PTPRQ: variants seen among roughly 807,000 people sequenced by gnomAD.
The protein encoded by PTPRQ is phosphatidylinositol phosphatase PTPRQ.
In PTPRQ, 199 loss-of-function variants were observed where a neutral mutation model predicts 246.0. The observed-to-expected ratio is 0.81, with a 90% CI of 0.72 to 0.91. The LOEUF (loss-of-function observed/expected upper bound fraction) is 0.91. Ranked by LOEUF, PTPRQ falls within the 40% of genes least tolerant of loss-of-function variation. The pLI is 0.00. For missense variants in PTPRQ, 2,624 were observed against 2,528.4 expected (o/e 1.04, Z -0.81); for synonymous variants, 869 against 853.2 (o/e 1.02, Z -0.32).
At chr12:80,620,887 G>A (rs1056722790) in intron 32 of PTPRQ, among the ~76,000 whole-genome samples, 2 of 151,596 alleles carry the variant, frequency 1.3e-5, no homozygotes, top group African/African-American at 4.8e-5. Context: ...GCTTTTTGTA[G>A]CCCCTAAAAA....
At chr12:80,510,254 G>T (rs1895083992) in intron 16 of PTPRQ, 69 bp from the exon 17 acceptor site, 1 of 1,326,562 alleles carries the variant, frequency 7.5e-7, no homozygotes. Context: ...AAAATTGTGT[G>T]CATTTCCATG....
chr12:80,592,960 A>G (rs1409695422), intron 26 of PTPRQ, among the ~76,000 whole-genome samples: 1 of 152,144 alleles, frequency 6.6e-6, no homozygotes, highest in African/African-American at 2.4e-5. Flanking sequence ...GCAATGAGCC[A>G]AGATTGTGCC....
chr12:80,538,113 A>G (rs80345800), intron 19 of PTPRQ, among the ~76,000 whole-genome samples: 3 of 151,638 alleles, frequency 2.0e-5, no homozygotes, highest in Non-Finnish European at 2.9e-5. Context: ...TGTTTTAAAG[A>G]AAAAAAAAGT....
chr12:80,560,990 C>T (rs1896807132), intron 25 of PTPRQ: 1 of 154,408 alleles, frequency 6.5e-6, no homozygotes, highest in Non-Finnish European at 1.5e-5. Flanking sequence ...AAATCTGGTA[C>T]CCAGAAATGG....
At chr12:80,670,137 TTTC>T (rs1565851526) in intron 41 of PTPRQ, among the ~76,000 whole-genome samples, 1 of 152,118 alleles carries the variant, frequency 6.6e-6, no homozygotes, top group Non-Finnish European at 1.5e-5. Flanking sequence ...ATTTCCAAGC[TTTC>T]TTATGTTTTC....
chr12:80,549,768 C>T, intron 25 of PTPRQ, 34 bp downstream of exon 25: 1 of 1,505,322 alleles, frequency 6.6e-7, no homozygotes, highest in Non-Finnish European at 8.9e-7. Context: ...TAACATGAAA[C>T]CTTTAACTAT....
intron 35 of PTPRQ, among the ~76,000 whole-genome samples, chr12:80,643,430 T>C (rs1355514828): frequency 7.0e-6 from 1 of 142,878 alleles, no homozygotes; most frequent in African/African-American, 2.7e-5. Flanking sequence ...AATCGTGAAA[T>C]CCCATCTCAA....
chr12:80,496,361 T>C lies in PTPRQ; in HGVS notation c.2102T>C (p.Val701Ala). ...KPNGIIIAYE[V>A]LYKNIDTLYM... ...AATGGGATCATTATTGCTTATGAAG[T>C]GCTATATAAAAATATAGATACTTTA... Residue 701 changes from valine (V) to alanine (A), a missense_variant, in exon 14 of 45, where the codon GTG becomes GCG. Val to Ala is a moderately conservative substitution (Grantham distance 64, BLOSUM62 0). Transcript: ENST00000644991. 6.4e-7 allele frequency: 1 copy of C among 1,550,698 alleles called. No individual in the cohort carries two copies. Among genetic ancestry groups the C allele is most frequent in the Non-Finnish European group, 8.7e-7 (1 of 1,146,396 alleles).
intron 32 of PTPRQ, 141 bp from the exon 33 acceptor site, chr12:80,621,920 A>G (rs2121137173): frequency 3.6e-6 from 2 of 554,546 alleles, no homozygotes; most frequent in East Asian, 8.2e-5. Flanking sequence ...TCTCCTGATG[A>G]TGATTCCATT....
chr12:80,629,169 CACACAG>C (rs1565828539), intron 33 of PTPRQ, among the ~76,000 whole-genome samples: 1 of 150,614 alleles, frequency 6.6e-6, no homozygotes, highest in African/African-American at 2.5e-5. Context: ...CACACACACA[CACACAG>C]AGAGAGAGAA....
At chr12:80,608,278 C>G (rs1031436633) in intron 27 of PTPRQ, among the ~76,000 whole-genome samples, 7 of 150,400 alleles carry the variant, frequency 4.7e-5, no homozygotes, top group Admixed American at 6.7e-5. Context: ...TATGAGCAAA[C>G]AAACTTGGAA....
At chr12:80,535,772 A>G (rs1423974900) in intron 19 of PTPRQ, among the ~76,000 whole-genome samples, 1 of 152,254 alleles carries the variant, frequency 6.6e-6, no homozygotes, top group Non-Finnish European at 1.5e-5. Flanking sequence ...GATAATTGGA[A>G]TGATTATGAT....
At chr12:80,503,053 G>C (rs1165293999) in intron 14 of PTPRQ, among the ~76,000 whole-genome samples, 1 of 151,662 alleles carries the variant, frequency 6.6e-6, no homozygotes, top group Non-Finnish European at 1.5e-5. Flanking sequence ...TAATGGAATG[G>C]GGCTTCAAAG....
At chr12:80,517,482 G>A (rs1334521735) in intron 17 of PTPRQ, among the ~76,000 whole-genome samples, 1 of 151,984 alleles carries the variant, frequency 6.6e-6, no homozygotes, top group Non-Finnish European at 1.5e-5. Context: ...ATCCCCTCAA[G>A]CATTTGTCCT....
chr12:80,481,700 C>G (rs1031149736), intron 8 of PTPRQ, among the ~76,000 whole-genome samples: 2 of 151,976 alleles, frequency 1.3e-5, no homozygotes, highest in African/African-American at 4.8e-5. Flanking sequence ...AACCAATGTA[C>G]AAAAATCACA....
intron 26 of PTPRQ, among the ~76,000 whole-genome samples, chr12:80,601,570 T>C (rs1299600460): frequency 6.6e-6 from 1 of 151,822 alleles, no homozygotes; most frequent in Non-Finnish European, 1.5e-5. Flanking sequence ...ATTTTCCTGT[T>C]TTATACCACT....
chr12:80,549,449 ATG>A lies in PTPRQ; in HGVS notation c.4016-14_4016-13del, dbSNP rs1269142683. On this transcript the variant is annotated splice_polypyrimidine_tract_variant and intron_variant, in intron 24 of 44. Coordinates refer to ENST00000644991, the MANE Select transcript of PTPRQ (RefSeq NM_001145026.2). ...ATGTATACACTTTAACTTTGGGCATATGTTTATCTCTTAAGTTCCAGATGTCG... is the reference window on the plus strand; with the variant it reads ...ATGTATACACTTTAACTTTGGGCATATTTATCTCTTAAGTTCCAGATGTCG... 1 of 1,530,508 alleles carries A rather than the reference ATG, an allele frequency of 6.5e-7. No homozygotes were observed. The allele number at this position is 1,530,508 out of a possible 1,614,324, so 94.8% of individuals were successfully genotyped here.
At chr12:80,517,512 A>G (rs527560508) in intron 17 of PTPRQ, among the ~76,000 whole-genome samples, 2 of 152,086 alleles carry the variant, frequency 1.3e-5, no homozygotes, top group African/African-American at 2.4e-5. Context: ...AAACAATCCA[A>G]TTATACTCTT....
chr12:80,605,320 A>G (rs1013503636), intron 27 of PTPRQ, 140 bp downstream of exon 27: 6 of 1,099,298 alleles, frequency 5.5e-6, no homozygotes, highest in Non-Finnish European at 7.5e-6. Flanking sequence ...TTCAATGTCT[A>G]CATCTGTAAA....
Sources: allele counts gnomAD v4.1 joint callset (sites outside exome capture counted in the v4.1 genomes callset), GRCh38; gene constraint gnomAD v4.1.1; transcripts MANE v1.5; gene names NCBI Gene and HGNC (gene_info 2026-07-23, HGNC 2026-07-21).